Variants in GNG2 observed in about 807,000 individuals in gnomAD.
The protein encoded by GNG2 is G protein subunit gamma 2, also known as guanine nucleotide-binding protein G(I)/G(S)/G(O) subunit gamma-2.
In GNG2, 5 loss-of-function variants were observed where a neutral mutation model predicts 5.5. The ratio of observed to expected loss-of-function variants is 0.91; its 90% CI spans 0.48 to 1.92. The LOEUF (loss-of-function observed/expected upper bound fraction) is 1.92. Ranked by LOEUF, GNG2 falls within the 30% of genes most tolerant of loss-of-function variation. The pLI is 0.01. For synonymous variants in GNG2, 28 were observed against 32.0 expected (o/e 0.88, Z 0.42); for missense variants, 55 against 88.4 (o/e 0.62, Z 1.52).
chr14:51,947,226 C>A (rs1036518693), intron 2 of GNG2, among the ~76,000 whole-genome samples: 1 of 152,148 alleles, frequency 6.6e-6, no homozygotes, highest in African/African-American at 2.4e-5. Context: ...AGAATAACAA[C>A]CCCCCAAAGA....
At chr14:51,841,720 T>C (rs1881488753) in intron 2 of GNG2, 1 of 595,384 alleles carries the variant, frequency 1.7e-6, no homozygotes, top group South Asian at 2.1e-5. Flanking sequence ...TAGGAAATTA[T>C]TGTGAAATAG....
At chr14:51,953,002 T>C (rs1889077339) in intron 3 of GNG2, among the ~76,000 whole-genome samples, 1 of 152,210 alleles carries the variant, frequency 6.6e-6, no homozygotes, top group African/African-American at 2.4e-5. Flanking sequence ...CTCTCTTTTC[T>C]GCATGCCATA....
intron 2 of GNG2, among the ~76,000 whole-genome samples, chr14:51,852,454 T>G (rs1212140679): frequency 6.6e-6 from 1 of 152,232 alleles, no homozygotes; most frequent in Non-Finnish European, 1.5e-5. Context: ...ATTCTAGGAT[T>G]TCACATGTGG....
rs1160346668 is a variant in GNG2 at position 51,966,231 on chromosome 14, A to AG, written c.88-328_88-327insG. Reference sequence around the variant, plus strand: ...TCTCAAAAAAAAAAAAAAAAAAAAAAAAAAAACAAATGAAGGAGACAGCCA... The same window carrying AG: ...TCTCAAAAAAAAAAAAAAAAAAAAAAGAAAAAACAAATGAAGGAGACAGCCA... On this transcript the variant is annotated intron_variant, in intron 3 of 3. Transcript: ENST00000556766. Among the ~76,000 whole-genome samples the AG allele has an allele frequency of 2.1e-3, 233 of 108,554 alleles. 17 individuals carry two copies. Among genetic ancestry groups the AG allele is most frequent in the Non-Finnish European group, 3.5e-3 (177 of 50,190 alleles). 71.2% of individuals were successfully genotyped at this position (108,554 alleles called of 152,430 possible).
At chr14:51,904,530 A>T (rs1398257309) in intron 2 of GNG2, among the ~76,000 whole-genome samples, 1 of 151,902 alleles carries the variant, frequency 6.6e-6, no homozygotes, top group Non-Finnish European at 1.5e-5. Flanking sequence ...TGGCCCACCC[A>T]CTCCCAGCTA....
chr14:51,912,861 G>C (rs78883868), intron 2 of GNG2: 12,999 of 151,154 alleles, frequency 0.086, 789 homozygotes, highest in East Asian at 0.23. Flanking sequence ...GTGGGGGTGT[G>C]TGTGTGTATG....
chr14:51,870,579 C>T (rs1405528395), intron 1 of GNG2, among the ~76,000 whole-genome samples: 2 of 152,194 alleles, frequency 1.3e-5, no homozygotes, highest in Non-Finnish European at 2.9e-5. Context: ...TGTATAGTAT[C>T]TGTCAGACTT....
intron 1 of GNG2, among the ~76,000 whole-genome samples, chr14:51,866,259 G>T (rs1325043484): frequency 1.3e-5 from 2 of 152,154 alleles, no homozygotes; most frequent in Non-Finnish European, 2.9e-5. Context: ...GGGCTGACTG[G>T]TTCTACTCTA....
chr14:51,918,332 A>G (rs1886781321), intron 2 of GNG2, among the ~76,000 whole-genome samples: 1 of 152,136 alleles, frequency 6.6e-6, no homozygotes, highest in Non-Finnish European at 1.5e-5. Context: ...TCATGTAGAC[A>G]TGAGTCCCAG....
chr14:51,839,195 C>T (rs187587315), intron 2 of GNG2, among the ~76,000 whole-genome samples: 38 of 152,244 alleles, frequency 2.5e-4, no homozygotes, highest in Admixed American at 9.8e-4. Context: ...CCACGGTGGT[C>T]AGGGCATAGC....
At chr14:51,946,801 C>A (rs1450960277) in intron 2 of GNG2, among the ~76,000 whole-genome samples, 1 of 152,132 alleles carries the variant, frequency 6.6e-6, no homozygotes, top group Non-Finnish European at 1.5e-5. Flanking sequence ...ATGAATCTCA[C>A]CCTTCACCCA....
intron 3 of GNG2, among the ~76,000 whole-genome samples, chr14:51,958,438 T>TCC (rs1470379151): frequency 2.4e-5 from 1 of 40,922 alleles, no homozygotes; most frequent in Non-Finnish European, 1.4e-4. Flanking sequence ...CTCTCTTCCG[T>TCC]TCCCCCCCCC....
At chr14:51,931,875 G>T (rs1430013715) in intron 2 of GNG2, among the ~76,000 whole-genome samples, 1 of 152,180 alleles carries the variant, frequency 6.6e-6, no homozygotes, top group East Asian at 1.9e-4. Flanking sequence ...AGAGATAGTT[G>T]TATAGCCATG....
At chr14:51,911,918 G>A (rs866038287) in intron 2 of GNG2, among the ~76,000 whole-genome samples, 26 of 147,400 alleles carry the variant, frequency 1.8e-4, no homozygotes, top group Non-Finnish European at 7.4e-5. Flanking sequence ...TCATGAAAAG[G>A]GCTTTATATA....
At chr14:51,942,352 C>G (rs1888366237) in intron 2 of GNG2, among the ~76,000 whole-genome samples, 1 of 151,904 alleles carries the variant, frequency 6.6e-6, no homozygotes, top group East Asian at 1.9e-4. Context: ...TGTTGACTGG[C>G]CTACTACAAG....
chr14:51,955,001 G>A (rs539957083), intron 3 of GNG2, among the ~76,000 whole-genome samples: 1 of 152,290 alleles, frequency 6.6e-6, no homozygotes, highest in African/African-American at 2.4e-5. Flanking sequence ...ATGGGAATGG[G>A]AATGGGAATC....
At chr14:51,873,525 A>C (rs1353152438) in intron 1 of GNG2, among the ~76,000 whole-genome samples, 1 of 152,268 alleles carries the variant, frequency 6.6e-6, no homozygotes, top group Non-Finnish European at 1.5e-5. Context: ...AAACCCTGGC[A>C]TCCTGCCTTT....
At chr14:51,866,322 C>G (rs951301147) in intron 1 of GNG2, among the ~76,000 whole-genome samples, 3 of 152,204 alleles carry the variant, frequency 2.0e-5, no homozygotes, top group Non-Finnish European at 4.4e-5. Flanking sequence ...TTCTTTCCTT[C>G]TTCCTTTTTT....
At chr14:51,932,289 A>G (rs1459846525) in intron 2 of GNG2, among the ~76,000 whole-genome samples, 1 of 143,444 alleles carries the variant, frequency 7.0e-6, no homozygotes, top group African/African-American at 2.5e-5. Flanking sequence ...AAAATATGGT[A>G]TATATGCACA....
Sources: gnomAD v4.1 joint callset for allele counts (sites outside exome capture counted in the v4.1 genomes callset) on GRCh38, gnomAD v4.1.1 for gene constraint, MANE v1.5 for transcripts, NCBI Gene and HGNC (gene_info 2026-07-23, HGNC 2026-07-21) for gene names.